Variants in MED12L observed in about 807,000 individuals in gnomAD.
The protein encoded by MED12L is mediator complex subunit 12L.
A neutral mutation model predicts 281.3 loss-of-function variants in MED12L; 60 were observed. The ratio of observed to expected loss-of-function variants is 0.21; its 90% confidence interval spans 0.17 to 0.26. MED12L has a LOEUF of 0.26. MED12L is among the 10% of genes least tolerant of loss of function. The probability of loss-of-function intolerance (pLI) is 1.00; values close to 1 mark genes in which losing one functional copy is unlikely to be tolerated. For synonymous variants in MED12L, 974 were observed against 987.2 expected, an observed-to-expected ratio of 0.99 and a Z score of 0.25; for missense variants, 2,146 against 2,680.9, an observed-to-expected ratio of 0.80 and a Z score of 4.41.
At chr3:151,167,666 C>T (rs1281377964) in intron 11 of MED12L, among the ~76,000 whole-genome samples, 1 of 152,172 alleles carries the variant, frequency 6.6e-6, no homozygotes, top group Non-Finnish European at 1.5e-5. Context: ...TTTTTAAATT[C>T]ATCGCGAGTT....
Position 151,232,687 on chromosome 3 carries a change from C to G in MED12L, c.2250+39021C>G, listed in dbSNP as rs112959304. 3.5e-3 allele frequency among the ~76,000 whole-genome samples: 536 copies of G among 152,190 alleles called. 4 individuals carry two copies. Among genetic ancestry groups the G allele is most frequent in the African/African-American group, 0.012 (516 of 41,528 alleles). On this transcript the variant is annotated intron_variant, in intron 16 of 44. Coordinates refer to ENST00000687756, the MANE Select transcript of MED12L (RefSeq NM_001393769.1). ...TATCCTTAGTAAACTAACAAAGGAA[C>G]AGAAAACCAAATACCACATGTTCTC...
chr3:151,296,608 T>G (rs1388322412), intron 16 of MED12L, among the ~76,000 whole-genome samples: 1 of 151,960 alleles, frequency 6.6e-6, no homozygotes, highest in Admixed American at 6.6e-5. Context: ...CTCCCACAAG[T>G]GGTTGGAAGG....
chr3:151,339,274 G>T (rs773041211), intron 16 of MED12L, among the ~76,000 whole-genome samples: 1 of 151,718 alleles, frequency 6.6e-6, no homozygotes, highest in African/African-American at 2.4e-5. Flanking sequence ...TCCCCCCAAC[G>T]TCCTTATTTC....
intron 11 of MED12L, among the ~76,000 whole-genome samples, chr3:151,178,157 C>CACAAAAAA (rs767097879): frequency 2.0e-4 from 10 of 49,124 alleles, no homozygotes; most frequent in African/African-American, 6.0e-4. Flanking sequence ...GACTTGGTCT[C>CACAAAAAA]AAAAAAAAAA....
At chr3:151,155,087 A>G (rs1576844845) in intron 5 of MED12L, among the ~76,000 whole-genome samples, 1 of 152,076 alleles carries the variant, frequency 6.6e-6, no homozygotes. Flanking sequence ...AAGTAAAAAC[A>G]AAGCACTCAG....
intron 16 of MED12L, among the ~76,000 whole-genome samples, chr3:151,237,504 C>T (rs1266692423): frequency 5.3e-5 from 8 of 151,574 alleles, no homozygotes; most frequent in Non-Finnish European, 1.0e-4. Context: ...TGCCCGCCAC[C>T]ATGCCTGGCT....
intron 16 of MED12L, among the ~76,000 whole-genome samples, chr3:151,309,629 T>G (rs1747218111): frequency 1.3e-5 from 2 of 152,204 alleles, no homozygotes; most frequent in Non-Finnish European, 2.9e-5. Context: ...TTCTCAGAGC[T>G]TTCCATGTTA....
At chr3:151,122,760 CT>C in intron 3 of MED12L, 22 bp from the exon 4 acceptor site, 6 of 1,546,210 alleles carry the variant, frequency 3.9e-6, no homozygotes, top group East Asian at 2.3e-5. Context: ...TTAACTTTCC[CT>C]TTTTTTCTCT....
At chr3:151,300,998 C>T (rs1745839796) in intron 16 of MED12L, among the ~76,000 whole-genome samples, 1 of 152,156 alleles carries the variant, frequency 6.6e-6, no homozygotes, top group Non-Finnish European at 1.5e-5. Context: ...ATGCTCTCCA[C>T]CCAGAATCCA....
intron 16 of MED12L, among the ~76,000 whole-genome samples, chr3:151,263,601 C>A (rs922480408): frequency 3.9e-5 from 6 of 152,114 alleles, no homozygotes; most frequent in Non-Finnish European, 5.9e-5. Context: ...CCCAGAACAT[C>A]AAATGGGAGT....
chr3:151,425,576 G>GTA (rs938741585), intron 43 of MED12L: 46 of 450,756 alleles, frequency 1.0e-4, no homozygotes, highest in Admixed American at 6.4e-4. Context: ...TTGTGTGTGT[G>GTA]TGTGTGTGTC....
intron 16 of MED12L, chr3:151,269,822 C>T (rs1740539217): frequency 2.3e-6 from 1 of 430,420 alleles, no homozygotes; most frequent in Non-Finnish European, 4.5e-6. Context: ...ATAATGAAAA[C>T]GTTCCAGTCA....
intron 38 of MED12L, among the ~76,000 whole-genome samples, chr3:151,392,108 A>AT (rs1187386363): frequency 2.0e-5 from 3 of 152,164 alleles, no homozygotes; most frequent in Non-Finnish European, 4.4e-5. Flanking sequence ...ATCTCTCCCT[A>AT]TAGAATACTA....
In MED12L at chr3:151,346,478, G is replaced by A. The variant is rs559201079; in HGVS notation, c.2251-3581G>A. ...TCTTACTTTAACCGCTTGTTTCTTAGCTTTGTGCCCTGCCACTTAGAGAAA... is the reference window on the plus strand; with the variant it reads ...TCTTACTTTAACCGCTTGTTTCTTAACTTTGTGCCCTGCCACTTAGAGAAA... On this transcript the variant is annotated intron_variant, in intron 16 of 44. Transcript: ENST00000687756. Among the ~76,000 whole-genome samples the A allele has an allele frequency of 1.6e-4, 25 of 152,132 alleles. No individual in the cohort carries two copies. The East Asian group carries it at 1.7e-3, about 11-fold the overall frequency.
chr3:151,361,372 A>G (rs1183721779), intron 21 of MED12L, among the ~76,000 whole-genome samples: 1 of 152,130 alleles, frequency 6.6e-6, no homozygotes, highest in Non-Finnish European at 1.5e-5. Context: ...GGTTTCTATT[A>G]CAGATTGTAT....
chr3:151,163,846 C>G (rs1047201507), intron 8 of MED12L, 47 bp from the exon 9 acceptor site: 1 of 1,575,440 alleles, frequency 6.3e-7, no homozygotes, highest in South Asian at 1.1e-5. Context: ...TATTGTTATG[C>G]TTTTCTCCTT....
chr3:151,148,530 G>T (rs1312403395), intron 5 of MED12L, among the ~76,000 whole-genome samples: 4 of 152,188 alleles, frequency 2.6e-5, no homozygotes, highest in African/African-American at 9.7e-5. Flanking sequence ...GAAGCAGGCT[G>T]TTCACACTCA....
chr3:151,409,406 A>T, intron 40 of MED12L, 74 bp downstream of exon 40: 5 of 1,281,914 alleles, frequency 3.9e-6, no homozygotes, highest in South Asian at 1.2e-5. Flanking sequence ...TTAAGTAAAT[A>T]GAATATATCA....
chr3:151,378,777 T>A (rs999382213), intron 31 of MED12L, among the ~76,000 whole-genome samples: 3 of 152,150 alleles, frequency 2.0e-5, no homozygotes, highest in Non-Finnish European at 4.4e-5. Flanking sequence ...GGAAAAAAAT[T>A]GATAATTTCT....
Sources: allele counts gnomAD v4.1 joint callset (sites outside exome capture counted in the v4.1 genomes callset), GRCh38; gene constraint gnomAD v4.1.1; transcripts MANE v1.5; gene names NCBI Gene and HGNC (gene_info 2026-07-23, HGNC 2026-07-21).